The following TAF4 variants were observed in gnomAD, a reference collection of about 807,000 sequenced individuals.
TAF4 encodes transcription initiation factor TFIID subunit 4.
A neutral mutation model predicts 90.3 loss-of-function variants in TAF4; 9 were observed. The ratio of observed to expected loss-of-function variants is 0.10; its 90% confidence interval spans 0.06 to 0.17. The LOEUF (loss-of-function observed/expected upper bound fraction) is 0.17. Among genes scored for constraint, TAF4 ranks in the 10% least tolerant of loss-of-function variants. The pLI, the probability that TAF4 is intolerant of heterozygous loss-of-function variation, is 1.00. For missense variants in TAF4, 1,351 were observed against 1,370.7 expected (o/e 0.99, Z 0.23); for synonymous variants, 818 against 638.9 (o/e 1.28, Z -4.23).
intron 1 of TAF4, among the ~76,000 whole-genome samples, chr20:62,047,161 C>T (rs896708095): frequency 6.6e-6 from 1 of 152,154 alleles, no homozygotes; most frequent in African/African-American, 2.4e-5. Flanking sequence ...CTGTATTTTA[C>T]TCATCTATTC....
At chr20:62,007,452 G>A (rs1256548794) in intron 6 of TAF4, 95 bp downstream of exon 6, 17 of 1,212,582 alleles carry the variant, frequency 1.4e-5, no homozygotes, top group Middle Eastern at 4.2e-4. Flanking sequence ...TGCACCCTCC[G>A]TGCCTGGAGC....
At position 62,065,110 on chromosome 20, in the gene TAF4, G is replaced by T; in HGVS notation, c.701C>A (p.Pro234His). Residue 234 changes from proline (P) to histidine (H), a missense_variant, in exon 1 of 15, where the codon CCC becomes CAC. Physicochemically the swap from Pro to His is moderately conservative, Grantham distance 77 (BLOSUM62 -2). Around this residue, in one of 9 missense-constraint regions of TAF4, gnomAD observed 782 missense variants for 536.6 expected, o/e 1.46. Coordinates refer to ENST00000252996, the MANE Select transcript of TAF4 (RefSeq NM_003185.4). Reference sequence around the variant, plus strand: ...GGGGGGCGTCTGGATGACAGTGCCGGGGGCGGCGGGCTTGGGCAGCGGCAG... The same window carrying T: ...GGGGGGCGTCTGGATGACAGTGCCGTGGGCGGCGGGCTTGGGCAGCGGCAG... ...ALLPLPKPAA[P>H]GTVIQTPPFV... 8.9e-7 allele frequency: 1 copy of T among 1,117,632 alleles called. No individual in the cohort carries two copies. The highest frequency in any genetic ancestry group is 1.1e-6 in the Non-Finnish European group (1 of 898,974). The allele number at this position is 1,117,632 out of a possible 1,614,324, so 69.2% of individuals were successfully genotyped here.
At chr20:62,042,890 C>T (rs952602417) in intron 1 of TAF4, among the ~76,000 whole-genome samples, 2 of 77,476 alleles carry the variant, frequency 2.6e-5, no homozygotes, top group Non-Finnish European at 5.3e-5. Context: ...GTTACTGCCC[C>T]TGAAGACTGC....
At chr20:62,020,122 C>G (rs1450330055) in intron 1 of TAF4, among the ~76,000 whole-genome samples, 2 of 152,198 alleles carry the variant, frequency 1.3e-5, no homozygotes, top group African/African-American at 4.8e-5. Flanking sequence ...TCTGCCAAAC[C>G]CAGGGCTGTG....
intron 9 of TAF4, among the ~76,000 whole-genome samples, chr20:62,001,442 G>A (rs2123127207): frequency 6.6e-6 from 1 of 152,342 alleles, no homozygotes; most frequent in Middle Eastern, 3.4e-3. Flanking sequence ...TCCTCTTCCA[G>A]GCTGACTTCG....
At chr20:62,049,946 C>T (rs2056016965) in intron 1 of TAF4, among the ~76,000 whole-genome samples, 1 of 152,150 alleles carries the variant, frequency 6.6e-6, no homozygotes, top group Non-Finnish European at 1.5e-5. Context: ...GCTGCAGAAA[C>T]CCAACCTGTC....
Position 62,006,471 on chromosome 20 carries a change from C to T in TAF4, c.2223+39G>A, listed in dbSNP as rs752442657. The T allele has an allele frequency of 1.4e-5, 19 of 1,392,710 alleles. No homozygotes were observed. The highest frequency in any genetic ancestry group is 2.7e-4 in the Middle Eastern group (1 of 3,650). The allele number at this position is 1,392,710 out of a possible 1,614,324, so 86.3% of individuals were successfully genotyped here. On this transcript the variant is annotated intron_variant, in intron 7 of 14. Transcript: ENST00000252996. This position sits in a 1 kb window ranked among gnomAD's most constrained non-coding sequence, Gnocchi z 7.0. The stretch of plus-strand genomic sequence containing the variant: ...TAAGAAGCGGGCGGGAGCAGAGGCA[C>T]GGTGGGCTGTGCAGACCAGTCAGGC...
intron 9 of TAF4, among the ~76,000 whole-genome samples, chr20:62,001,845 G>A (rs1156646523): frequency 6.6e-6 from 1 of 151,266 alleles, no homozygotes; most frequent in East Asian, 1.9e-4. Context: ...CCCGCAATCA[G>A]CCTTTTCTCT....
At position 61,998,833 on chromosome 20, in the gene TAF4, G is replaced by C. The variant is rs959633725; in HGVS notation, c.2913+150C>G. ...TGCCAAATGAATGAGGCTTCTCTTT[G>C]CAGCTCCACTGACAGCACCCATCAC... is the stretch of plus-strand genomic sequence containing the variant. On this transcript the variant is annotated intron_variant, in intron 12 of 14. Coordinates refer to ENST00000252996, the MANE Select transcript of TAF4 (RefSeq NM_003185.4). 3 of 1,006,000 alleles carry C rather than the reference G, an allele frequency of 3.0e-6. No individual in the cohort carries two copies. In the East Asian group the frequency reaches 7.2e-5, roughly 24 times the overall value. The allele number at this position is 1,006,000 out of a possible 1,614,324, so 62.3% of individuals were successfully genotyped here.
intron 1 of TAF4, among the ~76,000 whole-genome samples, chr20:62,030,411 A>G (rs1163387515): frequency 3.3e-5 from 5 of 152,246 alleles, no homozygotes; most frequent in African/African-American, 7.2e-5. Context: ...AGACAGACAC[A>G]TAATTTAAAA....
rs1001067505 is a variant in TAF4, at chr20:62,006,397, A to C, written c.2223+113T>G. The stretch of plus-strand genomic sequence containing the variant: ...TAATACCCAAGCTTCCTCTAGCAGG[A>C]GGCTTCCTGCATGCTTGGAAAAGGT... On this transcript the variant is annotated intron_variant, in intron 7 of 14. Transcript: ENST00000252996. This position sits in a 1 kb window ranked among gnomAD's most constrained non-coding sequence, Gnocchi z 7.0. 8 of 1,262,374 alleles carry C rather than the reference A, an allele frequency of 6.3e-6. No homozygotes were observed. Among genetic ancestry groups the C allele is most frequent in the South Asian group, 5.0e-5 (2 of 39,792 alleles). 78.2% of individuals were successfully genotyped at this position (1,262,374 alleles called of 1,614,324 possible).
chr20:62,005,159 C>G (rs1568929372), intron 7 of TAF4: 5 of 152,252 alleles, frequency 3.3e-5, no homozygotes, highest in Non-Finnish European at 1.5e-5. Flanking sequence ...ATGCTCAGGC[C>G]AGGCCCTGCG....
intron 1 of TAF4, among the ~76,000 whole-genome samples, chr20:62,051,713 C>A (rs4925334): frequency 9.2e-5 from 14 of 151,916 alleles, no homozygotes; most frequent in African/African-American, 3.4e-4. Flanking sequence ...GGGGCCTGGC[C>A]CCTGCCATGG....
chr20:62,018,181 A>G (rs1201553556), intron 1 of TAF4, among the ~76,000 whole-genome samples: 2 of 152,222 alleles, frequency 1.3e-5, no homozygotes, highest in Non-Finnish European at 2.9e-5. Flanking sequence ...TGCTTCCAAC[A>G]AACAGCACAT....
chr20:61,988,766 G>A (rs1371297997), intron 14 of TAF4, among the ~76,000 whole-genome samples: 3 of 152,074 alleles, frequency 2.0e-5, no homozygotes, highest in Non-Finnish European at 2.9e-5. Flanking sequence ...TCACCCACTC[G>A]GCAGTGCCTC....
At chr20:62,044,998 G>A (rs769395435) in intron 1 of TAF4, among the ~76,000 whole-genome samples, 3 of 152,228 alleles carry the variant, frequency 2.0e-5, no homozygotes, top group Non-Finnish European at 4.4e-5. Flanking sequence ...ACTCAGCCCA[G>A]GGGGAGAAAA....
At chr20:61,997,745 A>G in intron 13 of TAF4, 76 bp from the exon 14 acceptor site, 1 of 1,474,256 alleles carries the variant, frequency 6.8e-7, no homozygotes. Context: ...ATACATAGAT[A>G]TGAAAGGGTT....
chr20:61,999,229 C>T (rs983255377), intron 11 of TAF4, 121 bp from the exon 12 acceptor site: 15 of 1,299,818 alleles, frequency 1.2e-5, no homozygotes, highest in East Asian at 4.6e-5. Context: ...CTGAATGCGG[C>T]GAGGACCCGA....
chr20:62,002,711 T>G, intron 9 of TAF4, among the ~76,000 whole-genome samples: 1 of 152,106 alleles, frequency 6.6e-6, no homozygotes, highest in East Asian at 1.9e-4. Context: ...TGCAGGCTGG[T>G]CTCAAACTCC....
Sources: allele counts gnomAD v4.1 joint callset (sites outside exome capture counted in the v4.1 genomes callset), GRCh38; gene constraint gnomAD v4.1.1; regional missense constraint gnomAD v4.1.1; non-coding constraint Gnocchi (gnomAD v3.1); transcripts MANE v1.5; gene names NCBI Gene and HGNC (gene_info 2026-07-23, HGNC 2026-07-21).